Variants in SLC9A9 observed in about 807,000 individuals in gnomAD.
SLC9A9 encodes solute carrier family 9 member A9.
SLC9A9 carries 62 observed loss-of-function variants against 77.8 expected under a neutral mutation model. The observed-to-expected ratio is 0.80, with a 90% CI of 0.65 to 0.98. The LOEUF is 0.98. Among genes scored for constraint, SLC9A9 ranks in the 50% least tolerant of loss-of-function variants. SLC9A9 has a pLI of 0.00. For missense variants in SLC9A9, 775 were observed against 774.9 expected (o/e 1.00, Z 0.00); for synonymous variants, 320 against 283.5 (o/e 1.13, Z -1.29).
At chr3:143,440,475 C>A (rs558061676) in intron 12 of SLC9A9, among the ~76,000 whole-genome samples, 1 of 152,176 alleles carries the variant, frequency 6.6e-6, no homozygotes, top group Non-Finnish European at 1.5e-5. Flanking sequence ...AAGTCATATA[C>A]ATGAAGGCTC....
chr3:143,630,027 G>C (rs1380007388), intron 6 of SLC9A9, among the ~76,000 whole-genome samples: 1 of 149,998 alleles, frequency 6.7e-6, no homozygotes, highest in Non-Finnish European at 1.5e-5. Context: ...TGGCTAATAT[G>C]AGGCTCAATG....
At chr3:143,833,712 A>G (rs2009497057) in intron 1 of SLC9A9, among the ~76,000 whole-genome samples, 1 of 152,196 alleles carries the variant, frequency 6.6e-6, no homozygotes, top group Non-Finnish European at 1.5e-5. Context: ...GCCAGGTGCT[A>G]TGCTTCCTGA....
intron 14 of SLC9A9, among the ~76,000 whole-genome samples, chr3:143,335,346 G>T (rs573281727): frequency 1.3e-5 from 2 of 152,146 alleles, no homozygotes; most frequent in South Asian, 4.1e-4. Flanking sequence ...TGTTTATACT[G>T]CCCAAAATGA....
At chr3:143,704,369 T>C (rs935070144) in intron 4 of SLC9A9, among the ~76,000 whole-genome samples, 2 of 152,152 alleles carry the variant, frequency 1.3e-5, no homozygotes, top group South Asian at 2.1e-4. Flanking sequence ...GAAAACATCA[T>C]TCATCATGAC....
At chr3:143,514,811 C>T (rs1453652215) in intron 9 of SLC9A9, among the ~76,000 whole-genome samples, 1 of 152,216 alleles carries the variant, frequency 6.6e-6, no homozygotes, top group Non-Finnish European at 1.5e-5. Flanking sequence ...TCTATCCAGA[C>T]CACTAAAACT....
intron 12 of SLC9A9, among the ~76,000 whole-genome samples, chr3:143,387,334 C>T (rs1246571395): frequency 2.0e-5 from 3 of 151,718 alleles, no homozygotes; most frequent in South Asian, 2.1e-4. Context: ...AGGTGCCCAT[C>T]GTGGATAAAT....
intron 6 of SLC9A9, among the ~76,000 whole-genome samples, chr3:143,581,388 C>A (rs111657021): frequency 8.9e-4 from 135 of 152,252 alleles, no homozygotes; most frequent in Admixed American, 2.7e-3. Context: ...CCTCTTGTGC[C>A]TACAGTATAG....
intron 5 of SLC9A9, among the ~76,000 whole-genome samples, chr3:143,656,957 G>A (rs2038900654): frequency 6.6e-6 from 1 of 152,182 alleles, no homozygotes. Context: ...GATGGAGGAG[G>A]AAATTCTCCT....
chr3:143,347,287 C>A (rs1286253337), intron 14 of SLC9A9, among the ~76,000 whole-genome samples: 3 of 152,014 alleles, frequency 2.0e-5, no homozygotes, highest in Non-Finnish European at 2.9e-5. Flanking sequence ...AAAGAAGGGA[C>A]CTTATGTAGA....
chr3:143,443,021 A>G (rs1291177766), intron 12 of SLC9A9, among the ~76,000 whole-genome samples: 1 of 152,184 alleles, frequency 6.6e-6, no homozygotes, highest in African/African-American at 2.4e-5. Context: ...TGAGCTACAT[A>G]AAGTATGACT....
At chr3:143,469,611 G>T (rs528059310) in intron 11 of SLC9A9, among the ~76,000 whole-genome samples, 1 of 152,278 alleles carries the variant, frequency 6.6e-6, no homozygotes, top group East Asian at 1.9e-4. Flanking sequence ...TCTCAACTTA[G>T]AATATAACGC....
At chr3:143,498,744 AACT>A (rs1210754594) in intron 9 of SLC9A9, among the ~76,000 whole-genome samples, 4 of 152,176 alleles carry the variant, frequency 2.6e-5, no homozygotes, top group African/African-American at 9.7e-5. Flanking sequence ...TCCATGATTT[AACT>A]ACTATTAGCA....
chr3:143,622,032 G>C (rs906620820), intron 6 of SLC9A9, among the ~76,000 whole-genome samples: 5 of 152,136 alleles, frequency 3.3e-5, no homozygotes, highest in Non-Finnish European at 7.3e-5. Flanking sequence ...AAGATCAAAT[G>C]AATGAAATGA....
At chr3:143,660,796 C>T (rs1214219365) in intron 5 of SLC9A9, among the ~76,000 whole-genome samples, 7 of 152,160 alleles carry the variant, frequency 4.6e-5, no homozygotes, top group Non-Finnish European at 1.0e-4. Context: ...AGCTCTCCCT[C>T]CCCTTATCCC....
At chr3:143,522,490 C>T (rs1003987877) in intron 9 of SLC9A9, among the ~76,000 whole-genome samples, 2 of 152,114 alleles carry the variant, frequency 1.3e-5, no homozygotes, top group Non-Finnish European at 2.9e-5. Context: ...TTGGTCCCAG[C>T]TCTTTTTCCA....
chr3:143,424,692 A>T (rs1467973905), intron 12 of SLC9A9, among the ~76,000 whole-genome samples: 1 of 152,170 alleles, frequency 6.6e-6, no homozygotes, highest in Non-Finnish European at 1.5e-5. Flanking sequence ...GATATTTTTC[A>T]CAATAAAAAG....
intron 2 of SLC9A9, among the ~76,000 whole-genome samples, chr3:143,815,122 T>TA (rs1368545729): frequency 6.6e-6 from 1 of 152,026 alleles, no homozygotes; most frequent in African/African-American, 2.4e-5. Flanking sequence ...TGTGCTAAGT[T>TA]AAAAAAATTA....
At chr3:143,605,150 C>T (rs1576605222) in intron 6 of SLC9A9, among the ~76,000 whole-genome samples, 1 of 152,154 alleles carries the variant, frequency 6.6e-6, no homozygotes, top group Non-Finnish European at 1.5e-5. Context: ...AATATACTTC[C>T]TTTGGAGCGC....
intron 14 of SLC9A9, among the ~76,000 whole-genome samples, chr3:143,274,463 G>T (rs1370356377): frequency 6.6e-6 from 1 of 152,146 alleles, no homozygotes; most frequent in Non-Finnish European, 1.5e-5. Flanking sequence ...CTGGCAAATG[G>T]TTTAACAATT....
Sources: allele counts gnomAD v4.1 joint callset (sites outside exome capture counted in the v4.1 genomes callset), GRCh38; gene constraint gnomAD v4.1.1; transcripts MANE v1.5; gene names NCBI Gene and HGNC (gene_info 2026-07-23, HGNC 2026-07-21).